DPH1: variants seen among roughly 807,000 people sequenced by gnomAD.
The protein encoded by DPH1 is 2-(3-amino-3-carboxypropyl)histidine synthase subunit 1.
DPH1 carries 59 observed loss-of-function variants against 55.3 expected under a neutral mutation model. The observed-to-expected ratio is 1.07, with a 90% confidence interval of 0.87 to 1.33. DPH1 has a LOEUF of 1.33. DPH1 is among the 40% of genes most tolerant of loss of function. The pLI is 0.00. For synonymous variants in DPH1, 238 were observed against 235.5 expected (o/e 1.01, Z -0.10); for missense variants, 628 against 584.8 (o/e 1.07, Z -0.76).
At chr17:2,039,374 CTTTT>C (rs550518816) in intron 6 of DPH1, 5 of 142,556 alleles carry the variant, frequency 3.5e-5, no homozygotes, top group South Asian at 3.5e-4. Context: ...CTGTGGACTT[CTTTT>C]TTTTTTTTTT....
At chr17:2,040,441 G>A (rs2151354213) in intron 8 of DPH1, 64 bp from the exon 9 acceptor site, 1 of 1,613,730 alleles carries the variant, frequency 6.2e-7, no homozygotes, top group Non-Finnish European at 8.5e-7. Flanking sequence ...AAAACCAGTA[G>A]GCCACAGGTT....
At position 2,033,269 on chromosome 17, in the gene DPH1, G is replaced by T. The variant is rs1047563755; in HGVS notation, c.62-236G>T. 32 of 603,926 alleles carry T rather than the reference G, an allele frequency of 5.3e-5. No individual in the cohort carries two copies. The African/African-American group carries it at 5.9e-4, about 11-fold the overall frequency. 37.4% of individuals were successfully genotyped at this position (603,926 alleles called of 1,614,324 possible). A position where few individuals can be genotyped will look rare whatever the true frequency, so the allele number is the denominator to read the frequency against. The stretch of plus-strand genomic sequence containing the variant: ...TTCTATAGGGAACCAGGCATCTCGT[G>T]ACTCTGACTTGGGTGACTGTTGTTT... On this transcript the variant is annotated intron_variant, in intron 1 of 12. Coordinates refer to ENST00000263083, the MANE Select transcript of DPH1 (RefSeq NM_001383.6).
rs370195178 is a variant in DPH1 at position 2,035,965 on chromosome 17, C to T, written c.279-5C>T. On this transcript the variant is annotated splice_polypyrimidine_tract_variant and splice_region_variant and intron_variant, in intron 3 of 12. Transcript: ENST00000263083. ...TCCCACCGTTCCCCGCCCCTGTGCC[C>T]GCAGGTTCACGGAGGCCGAAGTGAT... 2.7e-5 allele frequency: 44 copies of T among 1,613,640 alleles called. No homozygotes were observed. The highest frequency in any genetic ancestry group is 2.2e-4 in the Admixed American group (13 of 59,978).
chr17:2,035,727 G>A (rs2067413361), intron 3 of DPH1, among the ~76,000 whole-genome samples: 1 of 152,148 alleles, frequency 6.6e-6, no homozygotes. Flanking sequence ...CCTGCAGCCT[G>A]AGCCTGGGTA....
At chr17:2,040,989 A>G (rs2151355182) in intron 9 of DPH1, 114 bp from the exon 10 acceptor site, 1 of 1,025,610 alleles carries the variant, frequency 9.8e-7, no homozygotes, top group Non-Finnish European at 1.5e-6. Flanking sequence ...TTACTTTAGG[A>G]TTCATAAAGC....
chr17:2,036,204 T>C lies in DPH1; in HGVS notation c.400+113T>C, dbSNP rs989761381. Reference sequence around the variant, plus strand: ...GTCCTGCTTGGAGACACAAGGTCCCTCCTGGTTTCTGGGGTGGCCTCTGCC... The same window carrying C: ...GTCCTGCTTGGAGACACAAGGTCCCCCCTGGTTTCTGGGGTGGCCTCTGCC... On this transcript the variant is annotated intron_variant, in intron 4 of 12. Coordinates refer to ENST00000263083, the MANE Select transcript of DPH1 (RefSeq NM_001383.6). The surrounding 1 kb of genome is among the most constrained non-coding windows in gnomAD (Gnocchi z 4.8). 6.0e-6 allele frequency: 9 copies of C among 1,492,846 alleles called. No homozygotes were observed. Among genetic ancestry groups the C allele is most frequent in the East Asian group, 4.8e-5 (2 of 41,324 alleles). The allele number at this position is 1,492,846 out of a possible 1,614,324, so 92.5% of individuals were successfully genotyped here.
At position 2,042,992 on chromosome 17, in the gene DPH1, C is replaced by G; in HGVS notation, c.*406C>G. On this transcript the variant is annotated 3_prime_UTR_variant, in exon 13 of 13. Transcript: ENST00000263083. ...CCCTCTCAGGAGAGTGTGCAACTGGCCAGCCAATTTCCCGGAGCCATCACC... is the reference window on the plus strand; with the variant it reads ...CCCTCTCAGGAGAGTGTGCAACTGGGCAGCCAATTTCCCGGAGCCATCACC... 6.2e-7 allele frequency: 1 copy of G among 1,614,004 alleles called. No homozygotes were observed. The highest frequency in any genetic ancestry group is 1.3e-5 in the African/African-American group (1 of 75,050).
chr17:2,042,197 C>A (rs199650013), intron 12 of DPH1: 10 of 1,430,554 alleles, frequency 7.0e-6, no homozygotes, highest in South Asian at 1.5e-5. Context: ...CGGTCCCCGA[C>A]CCCCCGGGCC....
intron 6 of DPH1, chr17:2,039,390 C>CT (rs2067476496): frequency 8.7e-6 from 1 of 114,694 alleles, no homozygotes; most frequent in Non-Finnish European, 1.8e-5. Context: ...TTTTTTTTTT[C>CT]TTTTTGAGAC....
chr17:2,042,445 C>A, intron 12 of DPH1, 160 bp from the exon 13 acceptor site: 2 of 1,283,562 alleles, frequency 1.6e-6, no homozygotes, highest in Non-Finnish European at 2.0e-6. Flanking sequence ...GTCTCCTGTT[C>A]AGGCCAATCC....
intron 1 of DPH1, among the ~76,000 whole-genome samples, chr17:2,031,914 AG>A (rs2067337632): frequency 6.6e-6 from 1 of 152,132 alleles, no homozygotes; most frequent in African/African-American, 2.4e-5. Context: ...CTGGTCTCTA[AG>A]GGACAAGGTC....
chr17:2,035,402 C>CGGTGGGGAGGGGGTGGGGGCCCTGCCTGT (rs2067399003), intron 3 of DPH1, among the ~76,000 whole-genome samples: 1 of 57,438 alleles, frequency 1.7e-5, no homozygotes, highest in Admixed American at 1.8e-4. Flanking sequence ...GCCCTGCCTG[C>CGGTGGGGAGGGGGTGGGGGCCCTGCCTGT]GGTGGGGAGG....
chr17:2,042,204 G>T, intron 12 of DPH1: 2 of 1,432,532 alleles, frequency 1.4e-6, no homozygotes, highest in Admixed American at 2.9e-5. Flanking sequence ...CGACCCCCCG[G>T]GCCCCGAGGG....
At chr17:2,032,673 C>A (rs2067346461) in intron 1 of DPH1, among the ~76,000 whole-genome samples, 1 of 152,178 alleles carries the variant, frequency 6.6e-6, no homozygotes, top group African/African-American at 2.4e-5. Context: ...AGGCACCAAG[C>A]AGGGAGACTG....
In DPH1 at chr17:2,040,326, C is replaced by T. The variant is rs762547282; in HGVS notation, c.858C>T (p.Gly286=). The T allele has an allele frequency of 3.1e-6, 5 of 1,613,944 alleles. No homozygotes were observed. Among genetic ancestry groups the T allele is most frequent in the African/African-American group, 2.7e-5 (2 of 74,954 alleles). ...CTGCCCGCTCAGCTAAGTCCTGGGG[C>T]CTTATTCTGGGCACTTTGGGCCGCC... ...IATARSAKSW[G]LILGTLGRQG... Residue 286 remains glycine (G), a synonymous_variant, in exon 8 of 13, where the codon GGC becomes GGT. Coordinates refer to ENST00000263083, the MANE Select transcript of DPH1 (RefSeq NM_001383.6).
chr17:2,040,880 T>G, intron 9 of DPH1: 1 of 635,306 alleles, frequency 1.6e-6, no homozygotes, highest in Non-Finnish European at 2.8e-6. Context: ...CTGGGGATAC[T>G]ATCACCAGTG....
intron 12 of DPH1, chr17:2,042,298 C>T (rs745883059): frequency 6.4e-5 from 90 of 1,396,248 alleles, no homozygotes; most frequent in Non-Finnish European, 8.0e-5. Context: ...CCTCGACACC[C>T]TTCAGCATCC....
intron 1 of DPH1, 126 bp from the exon 2 acceptor site, chr17:2,033,379 G>A (rs763512734): frequency 3.0e-5 from 44 of 1,458,034 alleles, no homozygotes; most frequent in African/African-American, 1.4e-5. Context: ...TTCTTGAGAT[G>A]ACTCAAAATT....
chr17:2,030,133 A>C (rs377506869), upstream of DPH1: 184 of 1,585,550 alleles, frequency 1.2e-4, no homozygotes, highest in African/African-American at 2.2e-3. Context: ...GCGTTCTTCC[A>C]GCGCTGTCTT....
Sources: allele counts gnomAD v4.1 joint callset (sites outside exome capture counted in the v4.1 genomes callset), GRCh38; gene constraint gnomAD v4.1.1; non-coding constraint Gnocchi (gnomAD v3.1); transcripts MANE v1.5; gene names NCBI Gene and HGNC (gene_info 2026-07-23, HGNC 2026-07-21).